DZIP1: variants seen among roughly 807,000 people sequenced by gnomAD.
DZIP1 encodes DAZ interacting zinc finger protein 1.
DZIP1 carries 97 observed loss-of-function variants against 107.6 expected under a neutral mutation model. The ratio of observed to expected loss-of-function variants is 0.90; its 90% CI spans 0.77 to 1.07. DZIP1 has a LOEUF of 1.07. Ranked by LOEUF, DZIP1 falls within the 50% of genes least tolerant of loss-of-function variation. The pLI is 0.00. For missense variants in DZIP1, 1,035 were observed against 1,063.6 expected, an observed-to-expected ratio of 0.97 and a Z score of 0.37; for synonymous variants, 390 against 386.4, an observed-to-expected ratio of 1.01 and a Z score of -0.11.
At chr13:95,616,809 G>A (rs944915235) in intron 10 of DZIP1, among the ~76,000 whole-genome samples, 5 of 152,108 alleles carry the variant, frequency 3.3e-5, no homozygotes, top group African/African-American at 4.8e-5. Flanking sequence ...CGGCAAAGGT[G>A]AAGGGACTCT....
rs1283668143 is a variant in DZIP1 at position 95,578,416 on chromosome 13, A to C, written c.*3818T>G. ...TAAGGAACAATGTCTTATAAACAGC[A>C]TGGGGGCAATCTGAGAATATTCCTC... On this transcript the variant is annotated 3_prime_UTR_variant, in exon 23 of 23. Coordinates refer to ENST00000376829, the MANE Select transcript of DZIP1 (RefSeq NM_198968.4). 6.5e-6 allele frequency: 1 copy of C among 152,868 alleles called. No individual in the cohort carries two copies. Among genetic ancestry groups the C allele is most frequent in the Non-Finnish European group, 1.5e-5 (1 of 68,522 alleles). 9.5% of individuals were successfully genotyped at this position (152,868 alleles called of 1,614,324 possible).
At chr13:95,615,000 A>C (rs1874868178) in intron 10 of DZIP1, among the ~76,000 whole-genome samples, 1 of 152,180 alleles carries the variant, frequency 6.6e-6, no homozygotes, top group African/African-American at 2.4e-5. Context: ...AACCTGATTG[A>C]ATTCACCCCT....
chr13:95,589,079 C>T (rs1180926701), intron 19 of DZIP1, 75 bp downstream of exon 19: 11 of 1,206,398 alleles, frequency 9.1e-6, no homozygotes, highest in South Asian at 7.8e-5. Flanking sequence ...ATAATGAGCA[C>T]GCTACTTTAA....
Position 95,605,912 on chromosome 13 carries a change from A to G in DZIP1, c.1477+91T>C, listed in dbSNP as rs372256219. The G allele has an allele frequency of 2.2e-5, 28 of 1,286,108 alleles. 1 individual carries two copies. The East Asian group carries it at 2.3e-4, about 11-fold the overall frequency. The allele number at this position is 1,286,108 out of a possible 1,614,324, so 79.7% of individuals were successfully genotyped here. A position where few individuals can be genotyped will look rare whatever the true frequency, so the allele number is the denominator to read the frequency against. ...TAAAATGTTTCCTGTTTTATTATTA[A>G]TTACCTCCACATAATCACTTTTGGT... On this transcript the variant is annotated intron_variant, in intron 14 of 22. Transcript: ENST00000376829.
At chr13:95,638,059 T>C (rs962552816) in intron 5 of DZIP1, among the ~76,000 whole-genome samples, 1 of 151,006 alleles carries the variant, frequency 6.6e-6, no homozygotes, top group Non-Finnish European at 1.5e-5. Flanking sequence ...CTTGGAAATA[T>C]AGCAAAATGC....
At chr13:95,599,822 T>C (rs1287641604) in intron 14 of DZIP1, among the ~76,000 whole-genome samples, 1 of 152,212 alleles carries the variant, frequency 6.6e-6, no homozygotes, top group African/African-American at 2.4e-5. Context: ...CATTAAAAAT[T>C]CCCAAGGTCC....
chr13:95,630,636 G>T, intron 6 of DZIP1: 1 of 1,048,246 alleles, frequency 9.5e-7, no homozygotes, highest in Non-Finnish European at 1.2e-6. Flanking sequence ...TCTATCAACT[G>T]GGGTAGAAGT....
Position 95,606,047 on chromosome 13 carries a change from G to T in DZIP1, c.1433C>A (p.Ala478Asp). 1.2e-6 allele frequency: 2 copies of T among 1,613,948 alleles called. No individual in the cohort carries two copies. Among genetic ancestry groups the T allele is most frequent in the South Asian group, 1.1e-5 (1 of 91,062 alleles). The change falls in exon 14 of 23, where the codon GCC becomes GAC. Residue 478 changes from alanine (A) to aspartate (D), a missense_variant. By Grantham distance (126) the Ala-to-Asp change is moderately radical. Coordinates refer to ENST00000376829, the MANE Select transcript of DZIP1 (RefSeq NM_198968.4). ...TGATTTAGTTTCCAAAGTGTGCAGG[G>T]CTGGGGCATTCACTGAAACAGCATA... ...AAPAVPMNAP[A>D]LHTLETKSSL...
intron 6 of DZIP1, among the ~76,000 whole-genome samples, chr13:95,631,293 C>T (rs1037936610): frequency 9.2e-5 from 14 of 151,796 alleles, no homozygotes; most frequent in Non-Finnish European, 2.1e-4. Context: ...CCAATCCCTA[C>T]TAAGAAAAAA....
Position 95,590,263 on chromosome 13 carries a change from T to G in DZIP1, c.1843+16A>C. On this transcript the variant is annotated intron_variant, in intron 17 of 22. Coordinates refer to ENST00000376829, the MANE Select transcript of DZIP1 (RefSeq NM_198968.4). ...TGTTAAATTAAGCTCCCATTTGCAG[T>G]GGGTAACAAGCTTACCTGAAGAGAG... 3.8e-6 allele frequency: 6 copies of G among 1,568,744 alleles called. No individual in the cohort carries two copies. Among genetic ancestry groups the G allele is most frequent in the Non-Finnish European group, 5.2e-6 (6 of 1,162,346 alleles).
In DZIP1 at chr13:95,600,629, T is replaced by TAGATAGATAGAC. The variant is rs147121754; in HGVS notation, c.1478-1206_1478-1205insGTCTATCTATCT. Among the ~76,000 whole-genome samples the TAGATAGATAGAC allele has an allele frequency of 6.3e-3, 934 of 147,506 alleles. 5 individuals carry two copies. Among genetic ancestry groups the TAGATAGATAGAC allele is most frequent in the African/African-American group, 0.014 (557 of 39,290 alleles). On this transcript the variant is annotated intron_variant, in intron 14 of 22. Coordinates refer to ENST00000376829, the MANE Select transcript of DZIP1 (RefSeq NM_198968.4). ...ATAGATAGATAGATAGATAGATAGA[T>TAGATAGATAGAC]AGACAGACAGACAGACAGACAGGCT...
chr13:95,629,297 C>A (rs1294335739), intron 7 of DZIP1, among the ~76,000 whole-genome samples: 1 of 152,234 alleles, frequency 6.6e-6, no homozygotes, highest in African/African-American at 2.4e-5. Flanking sequence ...CAGTGACCCA[C>A]AGAAGTCAGA....
chr13:95,640,278 G>A (rs1878343322), intron 5 of DZIP1, among the ~76,000 whole-genome samples: 1 of 152,092 alleles, frequency 6.6e-6, no homozygotes, highest in South Asian at 2.1e-4. Context: ...GATTACAGGT[G>A]TGAGCCACTG....
intron 15 of DZIP1, among the ~76,000 whole-genome samples, chr13:95,598,125 A>G (rs1334941380): frequency 6.6e-6 from 1 of 152,236 alleles, no homozygotes; most frequent in African/African-American, 2.4e-5. Flanking sequence ...TATGTAATTT[A>G]ATGTACCTAT....
chr13:95,595,654 G>A (rs960585235), intron 15 of DZIP1, among the ~76,000 whole-genome samples: 2 of 151,864 alleles, frequency 1.3e-5, no homozygotes, highest in Non-Finnish European at 2.9e-5. Flanking sequence ...ACTGTCTAGG[G>A]CCAAAAATAA....
intron 5 of DZIP1, among the ~76,000 whole-genome samples, chr13:95,634,562 C>T (rs931636340): frequency 1.3e-5 from 2 of 152,176 alleles, no homozygotes; most frequent in African/African-American, 2.4e-5. Flanking sequence ...GTCAATTCCA[C>T]GTATACCTCT....
At chr13:95,633,039 G>A (rs1028694455) in intron 6 of DZIP1, among the ~76,000 whole-genome samples, 195 bp downstream of exon 6, 2 of 152,130 alleles carry the variant, frequency 1.3e-5, no homozygotes, top group East Asian at 1.9e-4. Context: ...GGGCTTCTCC[G>A]TTCAGCTTGT....
rs993703146 is a variant in DZIP1 at position 95,580,383 on chromosome 13, A to AG, written c.*1850dup. 1 of 151,360 alleles carries AG rather than the reference A, an allele frequency of 6.6e-6. No homozygotes were observed. Among genetic ancestry groups the AG allele is most frequent in the Non-Finnish European group, 1.5e-5 (1 of 67,836 alleles). The allele number at this position is 151,360 out of a possible 1,614,324, so 9.4% of individuals were successfully genotyped here. ...TACAACTAACCATGTAAGCTAAAGG[A>AG]GGGGCTCTTAAAAGACACAGATATA... On this transcript the variant is annotated 3_prime_UTR_variant, in exon 23 of 23. Transcript: ENST00000376829.
At chr13:95,612,417 T>C (rs1398154153) in intron 10 of DZIP1, among the ~76,000 whole-genome samples, 1 of 152,178 alleles carries the variant, frequency 6.6e-6, no homozygotes, top group Non-Finnish European at 1.5e-5. Flanking sequence ...GGGAGCAGCT[T>C]AGCCAACTAC....
Sources: gnomAD v4.1 joint callset for allele counts (sites outside exome capture counted in the v4.1 genomes callset) on GRCh38, gnomAD v4.1.1 for gene constraint, MANE v1.5 for transcripts, NCBI Gene and HGNC (gene_info 2026-07-23, HGNC 2026-07-21) for gene names.